The following CEP41 variants were observed in gnomAD, a reference collection of about 807,000 sequenced individuals.
CEP41 encodes centrosomal protein of 41 kDa.
Under a neutral mutation model 44.3 loss-of-function variants are expected in CEP41, and 32 were observed. The observed-to-expected ratio is 0.72, with a 90% CI of 0.54 to 0.97. The LOEUF is 0.97. Ranked by LOEUF, CEP41 falls within the 50% of genes least tolerant of loss-of-function variation. The probability of loss-of-function intolerance (pLI) is 0.00; values close to 1 mark genes in which losing one functional copy is unlikely to be tolerated. For missense variants in CEP41, 432 were observed against 455.2 expected (o/e 0.95, Z 0.46); for synonymous variants, 151 against 168.5 (o/e 0.90, Z 0.80).
chr7:130,431,390 C>A (rs533068593), intron 1 of CEP41, among the ~76,000 whole-genome samples: 1 of 152,292 alleles, frequency 6.6e-6, no homozygotes, highest in Admixed American at 6.5e-5. Context: ...TGAGTGCCTA[C>A]TAGGGGCAAG....
intron 2 of CEP41, among the ~76,000 whole-genome samples, chr7:130,424,676 G>A (rs1236979188): frequency 6.6e-6 from 1 of 151,984 alleles, no homozygotes; most frequent in African/African-American, 2.4e-5. Flanking sequence ...ACTTAGTCTT[G>A]ATGTGAGTCA....
At chr7:130,437,776 AAAAAAAAAAAAAGAAAAAG>A (rs1250403074) in intron 1 of CEP41, among the ~76,000 whole-genome samples, 7 of 143,164 alleles carry the variant, frequency 4.9e-5, no homozygotes, top group African/African-American at 1.9e-4. Flanking sequence ...AAAAAAAAAA[AAAAAAAAAAAAAGAAAAAG>A]AAAAAAAAAG....
upstream of CEP41, chr7:130,441,314 AG>A: frequency 6.5e-6 from 3 of 458,708 alleles, no homozygotes; most frequent in South Asian, 6.1e-5. Flanking sequence ...GTGGCTTGAG[AG>A]CCGGGACAAA....
At position 130,396,817 on chromosome 7, in the gene CEP41, T is replaced by C. The variant is rs1194058600; in HGVS notation, c.*2074A>G. ...TATCCAACCTGCCAGATCTCTCAGG[T>C]GAGTGCACACCAATTCTAACAGGTC... On this transcript the variant is annotated 3_prime_UTR_variant, in exon 11 of 11. Coordinates refer to ENST00000223208, the MANE Select transcript of CEP41 (RefSeq NM_018718.3). 1 of 453,474 alleles carries C rather than the reference T, an allele frequency of 2.2e-6. No individual in the cohort carries two copies. Among genetic ancestry groups the C allele is most frequent in the Middle Eastern group, 6.9e-4 (1 of 1,442 alleles). The allele number at this position is 453,474 out of a possible 1,614,324, so 28.1% of individuals were successfully genotyped here.
intron 4 of CEP41, among the ~76,000 whole-genome samples, chr7:130,411,670 A>G (rs1797185660): frequency 6.6e-6 from 1 of 152,206 alleles, no homozygotes; most frequent in African/African-American, 2.4e-5. Flanking sequence ...CTTAGCTCAC[A>G]AGACCCAAGA....
In CEP41 at chr7:130,400,085, C is replaced by T. The variant is rs563202265; in HGVS notation, c.927G>A (p.Lys309=). Residue 309 remains lysine (K), a synonymous_variant, in exon 10 of 11, where the codon AAG becomes AAA. Coordinates refer to ENST00000223208, the MANE Select transcript of CEP41 (RefSeq NM_018718.3). ...KWRFTPEDLK[K]IEYYLEEEQG... ...GCTCCTCTTCCAGATAATATTCTAT[C>T]TTTTTTAAGTCTTCTGGGGTAAATC... 6.2e-7 allele frequency: 1 copy of T among 1,613,216 alleles called. No individual in the cohort carries two copies. The highest frequency in any genetic ancestry group is 2.2e-5 in the East Asian group (1 of 44,886).
At position 130,404,653 on chromosome 7, in the gene CEP41, C is replaced by T. The variant is rs1554417821; in HGVS notation, c.333G>A (p.Gly111=). ...GCGACTGCTCACCTGGATTTCCTTT[C>T]CCATTGGTCCTGGCAGTGGTTTCAG... ...PDAETTARTN[G]KGNPGEQSPS... Residue 111 remains glycine (G), a synonymous_variant, in exon 6 of 11, where the codon GGG becomes GGA. Transcript: ENST00000223208. 6.2e-7 allele frequency: 1 copy of T among 1,612,988 alleles called. No homozygotes were observed. Among genetic ancestry groups the T allele is most frequent in the Admixed American group, 1.7e-5 (1 of 60,014 alleles).
intron 8 of CEP41, chr7:130,401,156 T>C: frequency 3.2e-6 from 1 of 315,730 alleles, no homozygotes; most frequent in African/African-American, 2.1e-5. Flanking sequence ...ACAACTTCTA[T>C]GCCTAATGTG....
At chr7:130,441,336 T>G, upstream of CEP41, 1 of 420,674 alleles carries the variant, frequency 2.4e-6, no homozygotes, top group Non-Finnish European at 4.5e-6. Context: ...ACACGAGTTT[T>G]AGCTAATGTG....
chr7:130,423,752 A>G (rs1285584655), intron 2 of CEP41, among the ~76,000 whole-genome samples: 1 of 152,264 alleles, frequency 6.6e-6, no homozygotes, highest in Non-Finnish European at 1.5e-5. Flanking sequence ...AATGTGGAAT[A>G]GCTATACAAC....
chr7:130,411,182 C>G lies in CEP41; in HGVS notation c.217G>C (p.Val73Leu), dbSNP rs781991354. Residue 73 changes from valine (V) to leucine (L), a missense_variant, in exon 5 of 11, where the codon GTT becomes CTT. Val to Leu is a conservative substitution (Grantham distance 32, BLOSUM62 1). Coordinates refer to ENST00000223208, the MANE Select transcript of CEP41 (RefSeq NM_018718.3). ...VTTFAQLIIQ[V>L]ASLSDQTLEV... ...AGTGTTTGATCAGAGAGGGAAGCAA[C>G]TTGGATGATCTGATAGAAAAAAGAA... 1 of 1,613,264 alleles carries G rather than the reference C, an allele frequency of 6.2e-7. No homozygotes were observed. The highest frequency in any genetic ancestry group is 1.7e-5 in the Admixed American group (1 of 60,028).
intron 2 of CEP41, among the ~76,000 whole-genome samples, chr7:130,417,771 C>A (rs1230892955): frequency 2.6e-5 from 4 of 152,188 alleles, no homozygotes; most frequent in Non-Finnish European, 4.4e-5. Context: ...CTTTCTGTCA[C>A]CTAAAAGGTA....
At chr7:130,416,192 A>G (rs1584887735) in intron 3 of CEP41, among the ~76,000 whole-genome samples, 1 of 152,260 alleles carries the variant, frequency 6.6e-6, no homozygotes, top group South Asian at 2.1e-4. Flanking sequence ...CTTTACCACC[A>G]TTAACTAAAT....
intron 1 of CEP41, among the ~76,000 whole-genome samples, chr7:130,431,965 G>A (rs949314195): frequency 6.6e-6 from 1 of 152,144 alleles, no homozygotes; most frequent in South Asian, 2.1e-4. Context: ...TGGGTGGTAG[G>A]AGGTGCTACT....
At position 130,396,182 on chromosome 7, in the gene CEP41, C is replaced by T. The variant is rs1342689782; in HGVS notation, c.*2709G>A. ...TTAAACTTTGGCCATCACTGCTGTT[C>T]AGGGTGCTGTAGTTGTACATCGATG... On this transcript the variant is annotated 3_prime_UTR_variant, in exon 11 of 11. Transcript: ENST00000223208. 3 of 453,876 alleles carry T rather than the reference C, an allele frequency of 6.6e-6. No homozygotes were observed. The East Asian group carries it at 2.1e-4, about 32-fold the overall frequency. The allele number at this position is 453,876 out of a possible 1,614,324, so 28.1% of individuals were successfully genotyped here.
At chr7:130,439,441 C>T (rs1339048829) in intron 1 of CEP41, among the ~76,000 whole-genome samples, 1 of 151,862 alleles carries the variant, frequency 6.6e-6, no homozygotes, top group Non-Finnish European at 1.5e-5. Flanking sequence ...ACTATAGTCA[C>T]CATGCTGTGC....
chr7:130,400,022 A>G lies in CEP41; in HGVS notation c.973+17T>C. ...GCTGCAAACCAAACATTATCTTTAAAGGTCAAAAGATCTTACTAGGATGAT... is the reference window on the plus strand; with the variant it reads ...GCTGCAAACCAAACATTATCTTTAAGGGTCAAAAGATCTTACTAGGATGAT... On this transcript the variant is annotated intron_variant, in intron 10 of 10. Coordinates refer to ENST00000223208, the MANE Select transcript of CEP41 (RefSeq NM_018718.3). 6.6e-7 allele frequency: 1 copy of G among 1,516,898 alleles called. No individual in the cohort carries two copies. The highest frequency in any genetic ancestry group is 2.3e-5 in the East Asian group (1 of 44,410). The allele number at this position is 1,516,898 out of a possible 1,614,324, so 94.0% of individuals were successfully genotyped here.
At position 130,396,850 on chromosome 7, in the gene CEP41, C is replaced by T. The variant is rs73152868; in HGVS notation, c.*2041G>A. 0.19 allele frequency: 85,283 copies of T among 447,212 alleles called. 8,750 individuals are homozygous for T. Among genetic ancestry groups the T allele is most frequent in the Middle Eastern group, 0.26 (365 of 1,396 alleles). The allele number at this position is 447,212 out of a possible 1,614,324, so 27.7% of individuals were successfully genotyped here. ...CACCAATTCTAACAGGTCTGGCTGA[C>T]CTGGCTTTCCACATATATACAGTGG... On this transcript the variant is annotated 3_prime_UTR_variant, in exon 11 of 11. Transcript: ENST00000223208.
intron 5 of CEP41, among the ~76,000 whole-genome samples, chr7:130,409,338 C>T (rs960118368): frequency 1.3e-5 from 2 of 152,138 alleles, no homozygotes; most frequent in Non-Finnish European, 2.9e-5. Context: ...TTGCATGTGC[C>T]CATATGTTCT....
Sources: gnomAD v4.1 joint callset for allele counts (sites outside exome capture counted in the v4.1 genomes callset) on GRCh38, gnomAD v4.1.1 for gene constraint, MANE v1.5 for transcripts, NCBI Gene and HGNC (gene_info 2026-07-23, HGNC 2026-07-21) for gene names.